MYO1D: variants seen among roughly 807,000 people sequenced by gnomAD.
MYO1D encodes myosin ID.
In MYO1D, 83 loss-of-function variants were observed where a neutral mutation model predicts 122.0. The ratio of observed to expected loss-of-function variants is 0.68; its 90% CI spans 0.57 to 0.82. The LOEUF is 0.82. Ranked by LOEUF, MYO1D falls within the 40% of genes least tolerant of loss-of-function variation. The probability of loss-of-function intolerance (pLI) is 0.00; values close to 1 mark genes in which losing one functional copy is unlikely to be tolerated. For synonymous variants in MYO1D, 464 were observed against 446.9 expected (o/e 1.04, Z -0.48); for missense variants, 1,157 against 1,269.5 (o/e 0.91, Z 1.35).
intron 3 of MYO1D, among the ~76,000 whole-genome samples, chr17:32,776,700 A>C (rs941603372): frequency 1.7e-4 from 26 of 152,208 alleles, no homozygotes; most frequent in African/African-American, 6.3e-4. Context: ...TCATAAATTT[A>C]ATCTTCACTA....
chr17:32,760,199 CCCAAAAGAT>C, intron 10 of MYO1D, 82 bp downstream of exon 10: 1 of 1,082,630 alleles, frequency 9.2e-7, no homozygotes, highest in South Asian at 1.3e-5. Flanking sequence ...TTCAAATACC[CCCAAAAGAT>C]CAAGAAATAC....
chr17:32,792,453 G>T (rs2090363366), intron 1 of MYO1D: 1 of 152,084 alleles, frequency 6.6e-6, no homozygotes, highest in African/African-American at 2.4e-5. Flanking sequence ...TTTCAATAAG[G>T]TTCAGCCCAC....
At chr17:32,863,645 T>G (rs551120635) in intron 1 of MYO1D, among the ~76,000 whole-genome samples, 1 of 152,326 alleles carries the variant, frequency 6.6e-6, no homozygotes, top group African/African-American at 2.4e-5. Flanking sequence ...GAAAACAACT[T>G]TTTATAACTA....
At chr17:32,800,326 A>AAT (rs933347172) in intron 1 of MYO1D, among the ~76,000 whole-genome samples, 20 of 152,122 alleles carry the variant, frequency 1.3e-4, no homozygotes, top group South Asian at 2.1e-4. Context: ...TAAAATGCGA[A>AAT]ATATATATAT....
chr17:32,791,772 GTTAA>G (rs1048807937), intron 1 of MYO1D, among the ~76,000 whole-genome samples: 2 of 152,182 alleles, frequency 1.3e-5, no homozygotes, highest in East Asian at 1.9e-4. Context: ...TCTTTATATA[GTTAA>G]TTAATTAATT....
intron 1 of MYO1D, among the ~76,000 whole-genome samples, chr17:32,827,906 A>G (rs1034061591): frequency 6.6e-6 from 1 of 152,228 alleles, no homozygotes; most frequent in Admixed American, 6.5e-5. Flanking sequence ...CATTACTTAT[A>G]AACTGCAGTT....
chr17:32,536,073 C>T (rs1910657629), intron 21 of MYO1D, among the ~76,000 whole-genome samples: 1 of 151,498 alleles, frequency 6.6e-6, no homozygotes, highest in Admixed American at 6.6e-5. Context: ...TGCTCTGTTG[C>T]CCAGGCTGGA....
chr17:32,854,856 G>A (rs2091015331), intron 1 of MYO1D, among the ~76,000 whole-genome samples: 1 of 152,188 alleles, frequency 6.6e-6, no homozygotes, highest in Admixed American at 6.5e-5. Context: ...GAGTTTCCTG[G>A]AATGAGGGAA....
intron 21 of MYO1D, chr17:32,594,341 C>T: frequency 2.5e-6 from 1 of 394,892 alleles, no homozygotes; most frequent in Non-Finnish European, 4.5e-6. Flanking sequence ...TTCAAACTTT[C>T]CTTTCACATC....
intron 21 of MYO1D, among the ~76,000 whole-genome samples, chr17:32,596,461 C>A (rs1223399259): frequency 6.6e-6 from 1 of 152,210 alleles, no homozygotes; most frequent in Non-Finnish European, 1.5e-5. Context: ...CCCCTGGCTC[C>A]TCACCTGTAC....
rs150843188 is a variant in MYO1D, at chr17:32,816,677, T to A, written c.96-35893A>T. On this transcript the variant is annotated intron_variant, in intron 1 of 21. Coordinates refer to ENST00000318217, the MANE Select transcript of MYO1D (RefSeq NM_015194.3). ...ATTTATACTATGTATTTACAATTAG[T>A]AAATCCTGAGTTACTTCATTGTTTT... Among the ~76,000 whole-genome samples the A allele has an allele frequency of 3.3e-5, 5 of 152,342 alleles. No individual in the cohort carries two copies. In the East Asian group the frequency reaches 9.6e-4, roughly 29 times the overall value.
rs1421143931 is a variant in MYO1D, at chr17:32,695,688, TTTGA to T, written c.2121+16296_2121+16299del. ...TAACGGTCATATTCAGGGATCAAAA[TTTGA>T]TTGGCCAAAATTAAAAAATCTGCCA... On this transcript the variant is annotated intron_variant, in intron 16 of 21. Coordinates refer to ENST00000318217, the MANE Select transcript of MYO1D (RefSeq NM_015194.3). Among the ~76,000 whole-genome samples the T allele has an allele frequency of 3.2e-4, 48 of 152,306 alleles. 1 individual carries two copies. Among genetic ancestry groups the T allele is most frequent in the Middle Eastern group, 6.8e-3 (2 of 294 alleles).
intron 21 of MYO1D, among the ~76,000 whole-genome samples, chr17:32,602,026 A>G (rs764213852): frequency 1.3e-5 from 2 of 152,224 alleles, no homozygotes; most frequent in Non-Finnish European, 2.9e-5. Flanking sequence ...GCTTCAACTC[A>G]TGGTGATGAG....
chr17:32,774,442 A>C (rs555283196), intron 4 of MYO1D, among the ~76,000 whole-genome samples: 1 of 152,298 alleles, frequency 6.6e-6, no homozygotes, highest in East Asian at 1.9e-4. Context: ...GGTAAGAATT[A>C]GAAGTGGGGA....
At chr17:32,841,252 A>C (rs2151073905) in intron 1 of MYO1D, among the ~76,000 whole-genome samples, 1 of 152,268 alleles carries the variant, frequency 6.6e-6, no homozygotes, top group South Asian at 2.1e-4. Context: ...AGATGACTTG[A>C]GCCCAGGAGT....
chr17:32,861,597 C>T (rs2151087771), intron 1 of MYO1D, among the ~76,000 whole-genome samples: 1 of 152,260 alleles, frequency 6.6e-6, no homozygotes, highest in East Asian at 1.9e-4. Flanking sequence ...TGTCCCAAGA[C>T]CCTTCCGCAA....
chr17:32,780,824 T>C, intron 1 of MYO1D, 40 bp from the exon 2 acceptor site: 1 of 1,587,436 alleles, frequency 6.3e-7, no homozygotes. Context: ...TAGCTGTGGT[T>C]ACAGAGAAAT....
rs541382682 is a variant in MYO1D at position 32,547,720 on chromosome 17, G to C, written c.2865-52805C>G. 2.0e-5 allele frequency among the ~76,000 whole-genome samples: 3 copies of C among 152,346 alleles called. No homozygotes were observed. In the South Asian group the frequency reaches 6.2e-4, roughly 32 times the overall value. On this transcript the variant is annotated intron_variant, in intron 21 of 21. Transcript: ENST00000318217. Reference sequence around the variant, plus strand: ...CTAGCACTTTGGGAGGCCAAGGCAGGCCGATCACTTGAGGCCAGGAGATCG... The same window carrying C: ...CTAGCACTTTGGGAGGCCAAGGCAGCCCGATCACTTGAGGCCAGGAGATCG...
At chr17:32,818,625 T>C (rs896242273) in intron 1 of MYO1D, among the ~76,000 whole-genome samples, 20 of 152,234 alleles carry the variant, frequency 1.3e-4, no homozygotes, top group African/African-American at 4.6e-4. Flanking sequence ...CAGTGAAGCA[T>C]TGCAGCATAG....
Sources: allele counts gnomAD v4.1 joint callset (sites outside exome capture counted in the v4.1 genomes callset), GRCh38; gene constraint gnomAD v4.1.1; transcripts MANE v1.5; gene names NCBI Gene and HGNC (gene_info 2026-07-23, HGNC 2026-07-21).